Variants in ZFPM2 observed in about 807,000 individuals in gnomAD.
ZFPM2 encodes zinc finger protein ZFPM2.
A neutral mutation model predicts 98.6 loss-of-function variants in ZFPM2; 20 were observed. The ratio of observed to expected loss-of-function variants is 0.20; its 90% confidence interval spans 0.14 to 0.29. ZFPM2 has a LOEUF of 0.29. ZFPM2 is among the 10% of genes least tolerant of loss of function. The pLI, the probability that ZFPM2 is intolerant of heterozygous loss-of-function variation, is 1.00. For synonymous variants in ZFPM2, 518 were observed against 502.7 expected (o/e 1.03, Z -0.41); for missense variants, 1,310 against 1,388.6 (o/e 0.94, Z 0.90).
intron 3 of ZFPM2, among the ~76,000 whole-genome samples, chr8:105,464,796 A>G (rs1264184196): frequency 6.6e-6 from 1 of 152,016 alleles, no homozygotes; most frequent in Non-Finnish European, 1.5e-5. Flanking sequence ...CTGGGCAAAC[A>G]ATGTCTGTGA....
intron 3 of ZFPM2, among the ~76,000 whole-genome samples, chr8:105,446,332 G>A (rs1013843745): frequency 3.3e-5 from 5 of 152,096 alleles, no homozygotes; most frequent in Non-Finnish European, 7.4e-5. Flanking sequence ...GTACATTCTG[G>A]CTTACTCTTA....
intron 5 of ZFPM2, among the ~76,000 whole-genome samples, chr8:105,776,800 G>A (rs1179854582): frequency 6.6e-6 from 1 of 152,140 alleles, no homozygotes; most frequent in Non-Finnish European, 1.5e-5. Flanking sequence ...AACTACTGAA[G>A]TTGGAAGCCA....
chr8:105,327,019 A>G (rs1015748177), intron 1 of ZFPM2, among the ~76,000 whole-genome samples: 2 of 151,546 alleles, frequency 1.3e-5, no homozygotes, highest in Admixed American at 6.6e-5. Context: ...ATGGGCATTT[A>G]TTGGAAGATA....
intron 1 of ZFPM2, among the ~76,000 whole-genome samples, chr8:105,322,780 G>T (rs7015362): frequency 0.18 from 27,349 of 151,952 alleles, 3,682 homozygotes; most frequent in East Asian, 0.51. Flanking sequence ...AAATGTTCTG[G>T]TTAGAGAATA....
intron 2 of ZFPM2, among the ~76,000 whole-genome samples, chr8:105,427,494 AG>A (rs1234002356): frequency 2.6e-5 from 4 of 152,230 alleles, no homozygotes; most frequent in African/African-American, 9.6e-5. Flanking sequence ...CTTGATAAAA[AG>A]CTCTTAATCT....
chr8:105,770,916 T>G (rs1812965813), intron 5 of ZFPM2, among the ~76,000 whole-genome samples: 1 of 152,122 alleles, frequency 6.6e-6, no homozygotes, highest in Non-Finnish European at 1.5e-5. Flanking sequence ...GCAATGCCAA[T>G]CTCCTTATCT....
intron 5 of ZFPM2, among the ~76,000 whole-genome samples, chr8:105,734,127 T>G (rs1812014437): frequency 6.6e-6 from 1 of 151,936 alleles, no homozygotes; most frequent in Admixed American, 6.6e-5. Context: ...TATGACATTT[T>G]GGCTTCCATA....
intron 1 of ZFPM2, among the ~76,000 whole-genome samples, chr8:105,335,116 T>A (rs1257184342): frequency 6.6e-6 from 1 of 151,770 alleles, no homozygotes; most frequent in South Asian, 2.1e-4. Flanking sequence ...AAAGTGGACA[T>A]AAGGTTAGGA....
intron 3 of ZFPM2, among the ~76,000 whole-genome samples, chr8:105,556,716 T>TCCCTTCCCTC (rs1815001406): frequency 8.1e-6 from 1 of 123,548 alleles, no homozygotes; most frequent in Non-Finnish European, 1.7e-5. Flanking sequence ...TCCCTTCCCT[T>TCCCTTCCCTC]CCCTCCCCTC....
At chr8:105,560,188 G>GACAGA (rs1815101441) in intron 3 of ZFPM2, among the ~76,000 whole-genome samples, 1 of 142,852 alleles carries the variant, frequency 7.0e-6, no homozygotes, top group Admixed American at 7.0e-5. Flanking sequence ...AAAAAAAAAA[G>GACAGA]AAAGAAAATA....
intron 5 of ZFPM2, among the ~76,000 whole-genome samples, chr8:105,739,945 A>ACCC (rs1289574683): frequency 1.3e-5 from 2 of 151,326 alleles, no homozygotes; most frequent in Non-Finnish European, 3.0e-5. Context: ...CTTCCTTAAA[A>ACCC]CCCCCCTTTT....
At chr8:105,478,376 G>C (rs766733286) in intron 3 of ZFPM2, among the ~76,000 whole-genome samples, 2 of 152,206 alleles carry the variant, frequency 1.3e-5, no homozygotes, top group African/African-American at 2.4e-5. Context: ...AAAAATGCAA[G>C]TTTCTACTTA....
chr8:105,591,827 A>G (rs1164449663), intron 4 of ZFPM2, among the ~76,000 whole-genome samples: 5 of 152,160 alleles, frequency 3.3e-5, no homozygotes, highest in African/African-American at 9.7e-5. Flanking sequence ...AAAATTAATA[A>G]CAAGGAGATG....
intron 6 of ZFPM2, among the ~76,000 whole-genome samples, chr8:105,790,151 G>C (rs1333770838): frequency 6.6e-6 from 1 of 151,394 alleles, no homozygotes; most frequent in African/African-American, 2.4e-5. Flanking sequence ...TAGACATGAA[G>C]TCCTTGCCCA....
intron 5 of ZFPM2, among the ~76,000 whole-genome samples, chr8:105,786,069 A>T (rs74570146): frequency 1.7e-3 from 250 of 148,912 alleles, no homozygotes; most frequent in African/African-American, 6.2e-3. Flanking sequence ...AAAAAAAAAA[A>T]ATTAGCCAAG....
intron 3 of ZFPM2, among the ~76,000 whole-genome samples, chr8:105,469,702 G>A (rs1355072676): frequency 2.6e-5 from 4 of 152,130 alleles, no homozygotes; most frequent in African/African-American, 9.7e-5. Context: ...TGTGTTGTGA[G>A]TTTACCACAT....
chr8:105,731,528 A>G (rs548741955), intron 5 of ZFPM2, among the ~76,000 whole-genome samples: 45 of 151,800 alleles, frequency 3.0e-4, no homozygotes, highest in African/African-American at 1.0e-3. Flanking sequence ...TACATGTAAG[A>G]CATATTTGTA....
chr8:105,786,201 GT>G (rs1373492129), intron 5 of ZFPM2, among the ~76,000 whole-genome samples: 1 of 130,748 alleles, frequency 7.6e-6, no homozygotes, highest in Non-Finnish European at 1.7e-5. Context: ...GCCTACACAT[GT>G]TTTTGCTGTT....
At chr8:105,718,592 A>C (rs1001530117) in intron 5 of ZFPM2, among the ~76,000 whole-genome samples, 1 of 151,988 alleles carries the variant, frequency 6.6e-6, no homozygotes, top group Non-Finnish European at 1.5e-5. Context: ...GATTATCATA[A>C]ATTTGTAATT....
Sources: allele counts gnomAD v4.1 joint callset (sites outside exome capture counted in the v4.1 genomes callset), GRCh38; gene constraint gnomAD v4.1.1; transcripts MANE v1.5; gene names NCBI Gene and HGNC (gene_info 2026-07-23, HGNC 2026-07-21).